Variants in NID1 observed in about 807,000 individuals in gnomAD.
The protein encoded by NID1 is nidogen-1.
Under a neutral mutation model 130.6 loss-of-function variants are expected in NID1, and 76 were observed. The ratio of observed to expected loss-of-function variants is 0.58; its 90% CI spans 0.48 to 0.70. The LOEUF is 0.70. Ranked by LOEUF, NID1 falls within the 30% of genes least tolerant of loss-of-function variation. The pLI is 0.00. For missense variants in NID1, 1,517 were observed against 1,664.8 expected (o/e 0.91, Z 1.54); for synonymous variants, 665 against 675.1 (o/e 0.98, Z 0.23).
In NID1 at chr1:236,012,057, A is replaced by G. The variant is rs766154221; in HGVS notation, c.2405-14T>C. The G allele has an allele frequency of 8.7e-6, 14 of 1,608,902 alleles. No individual in the cohort carries two copies. In the East Asian group the frequency reaches 2.9e-4, roughly 33 times the overall value. ...ATTCATCTACATCTGTAAAACAGCC[A>G]CCAGGCCCAGGGACAATGAGATTTC... On this transcript the variant is annotated splice_polypyrimidine_tract_variant and intron_variant, in intron 11 of 19. Coordinates refer to ENST00000264187, the MANE Select transcript of NID1 (RefSeq NM_002508.3).
At chr1:236,011,778 A>G (rs1458920151) in intron 12 of NID1, 143 bp downstream of exon 12, 1 of 1,271,686 alleles carries the variant, frequency 7.9e-7, no homozygotes, top group Admixed American at 2.0e-5. Flanking sequence ...ATTCATGGAC[A>G]GGGCAACGGG....
Position 235,985,390 on chromosome 1 carries a change from A to T in NID1, c.3044T>A (p.Ile1015Asn). Reference sequence around the variant, plus strand: ...ATTTGCTTACTTACCTTGTCTAATGATGGTGGTTGGCTCTCCACCATGTAG... The same window carrying T: ...ATTTGCTTACTTACCTTGTCTAATGTTGGTGGTTGGCTCTCCACCATGTAG... ...ASLHGGEPTT[I>N]IRQDLGSPEG... The change falls in exon 15 of 20, where the codon ATC (isoleucine) becomes AAC (asparagine). Residue 1015 changes from isoleucine to asparagine, a missense_variant. Ile to Asn is a moderately radical substitution (Grantham distance 149). Around this residue, in one of 3 missense-constraint regions of NID1, gnomAD observed 1,329 missense variants for 1,429.2 expected, o/e 0.93. Coordinates refer to ENST00000264187, the MANE Select transcript of NID1 (RefSeq NM_002508.3). 1 of 1,614,102 alleles carries T rather than the reference A, an allele frequency of 6.2e-7. No individual in the cohort carries two copies. The highest frequency in any genetic ancestry group is 2.2e-5 in the East Asian group (1 of 44,872).
chr1:236,036,623 T>C (rs1403991254), intron 5 of NID1, among the ~76,000 whole-genome samples: 2 of 152,214 alleles, frequency 1.3e-5, no homozygotes, highest in African/African-American at 4.8e-5. Flanking sequence ...CCCAATGTGA[T>C]AGCATTTAGA....
In NID1 at chr1:235,990,988, A is replaced by C. The variant is rs1319213557; in HGVS notation, c.2826T>G (p.Pro942=). The C allele has an allele frequency of 1.2e-6, 2 of 1,613,940 alleles. No individual in the cohort carries two copies. The highest frequency in any genetic ancestry group is 8.5e-7 in the Non-Finnish European group (1 of 1,179,934). Residue 942 remains proline (P), a synonymous_variant, in exon 14 of 20, where the codon CCT becomes CCG. Coordinates refer to ENST00000264187, the MANE Select transcript of NID1 (RefSeq NM_002508.3). ...TCTGGGCAAAGAGTAAATGGGTCCC[A>C]GGAGGCAAGGGGATCACGGCGGTAG... is the stretch of plus-strand genomic sequence containing the variant. ...AVPTAVIPLP[P]GTHLLFAQTG... is the part of the protein sequence containing the mutation.
At chr1:236,045,333 A>G in intron 3 of NID1, 124 bp downstream of exon 3, 1 of 658,580 alleles carries the variant, frequency 1.5e-6, no homozygotes. Flanking sequence ...CTCATAATAT[A>G]AAAACTATAT....
At chr1:236,053,841 G>A (rs1334527269) in intron 1 of NID1, among the ~76,000 whole-genome samples, 1 of 152,234 alleles carries the variant, frequency 6.6e-6, no homozygotes, top group Non-Finnish European at 1.5e-5. Context: ...AATAAGGCCT[G>A]AGGGTGAGCT....
intron 4 of NID1, among the ~76,000 whole-genome samples, chr1:236,039,891 T>G (rs556222378): frequency 8.5e-5 from 13 of 152,284 alleles, no homozygotes; most frequent in Admixed American, 5.9e-4. Context: ...TTATGGCCTG[T>G]GTACATGTGA....
chr1:236,040,677 T>C (rs1659425723), intron 4 of NID1, among the ~76,000 whole-genome samples: 1 of 151,956 alleles, frequency 6.6e-6, no homozygotes, highest in African/African-American at 2.4e-5. Flanking sequence ...TTTTTTTTTT[T>C]CTTGAGACAG....
intron 4 of NID1, among the ~76,000 whole-genome samples, chr1:236,039,759 G>A (rs954346814): frequency 6.6e-6 from 1 of 152,160 alleles, no homozygotes; most frequent in African/African-American, 2.4e-5. Flanking sequence ...CTACATACTC[G>A]GAAGGGAATT....
At chr1:236,055,228 C>T (rs779489902) in intron 1 of NID1, among the ~76,000 whole-genome samples, 7 of 151,770 alleles carry the variant, frequency 4.6e-5, no homozygotes, top group Non-Finnish European at 8.8e-5. Flanking sequence ...GGCGGGAACC[C>T]GGGAGGTGGA....
In NID1 at chr1:235,993,762, C is replaced by T. The variant is rs1657834850; in HGVS notation, c.2638G>A (p.Ala880Thr). ...TGGGTGGGCGCGTAGTGCCCGTGCG[C>T]ATCGCACTCAGGAACGAACAGCCCC... ...PPGLFVPECD[A>T]HGHYAPTQCH... The change falls in exon 13 of 20, where the codon GCG becomes ACG. Residue 880 changes from alanine to threonine, a missense_variant. Transcript: ENST00000264187. The T allele has an allele frequency of 6.2e-7, 1 of 1,613,920 alleles. No individual in the cohort carries two copies. The highest frequency in any genetic ancestry group is 8.5e-7 in the Non-Finnish European group (1 of 1,180,000).
rs1657372080 is a variant in NID1, at chr1:235,979,613, T to A, written c.3509+209A>T. 6.6e-6 allele frequency among the ~76,000 whole-genome samples: 1 copy of A among 152,148 alleles called. No individual in the cohort carries two copies. Among genetic ancestry groups the A allele is most frequent in the Non-Finnish European group, 1.5e-5 (1 of 68,014 alleles). The stretch of plus-strand genomic sequence containing the variant: ...TCTGGATGATAAATGGCACCTCCTG[T>A]CCCCTAGGGCCTTGTCCTCCCTCCT... On this transcript the variant is annotated intron_variant, in intron 18 of 19. Coordinates refer to ENST00000264187, the MANE Select transcript of NID1 (RefSeq NM_002508.3). This position sits in a 1 kb window ranked among gnomAD's most constrained non-coding sequence, Gnocchi z 4.6.
Position 236,017,051 on chromosome 1 carries a change from C to T in NID1, c.2254+97G>A, listed in dbSNP as rs191113464. On this transcript the variant is annotated intron_variant, in intron 10 of 19. Coordinates refer to ENST00000264187, the MANE Select transcript of NID1 (RefSeq NM_002508.3). ...AATTGCTCTTCCCAGCACCTTCCAACTTGACCAGACTCATTTTACCTGGGA... is the reference window on the plus strand; with the variant it reads ...AATTGCTCTTCCCAGCACCTTCCAATTTGACCAGACTCATTTTACCTGGGA... The T allele has an allele frequency of 8.9e-5, 138 of 1,544,316 alleles. No individual in the cohort carries two copies. The East Asian group carries it at 2.7e-3, about 30-fold the overall frequency.
chr1:236,022,062 G>A (rs947105447), intron 9 of NID1, among the ~76,000 whole-genome samples: 2 of 152,048 alleles, frequency 1.3e-5, no homozygotes, highest in African/African-American at 2.4e-5. Context: ...TTGAGCCCAG[G>A]AGTTTGAGAC....
intron 7 of NID1, among the ~76,000 whole-genome samples, chr1:236,028,477 C>T (rs192670489): frequency 6.6e-6 from 1 of 152,250 alleles, no homozygotes; most frequent in Non-Finnish European, 1.5e-5. Context: ...CACTGCACTC[C>T]AGCTTGGGCG....
intron 14 of NID1, among the ~76,000 whole-genome samples, chr1:235,985,726 G>T (rs1195268105): frequency 2.2e-5 from 3 of 133,718 alleles, no homozygotes; most frequent in Non-Finnish European, 4.7e-5. Context: ...ATAGGAATTT[G>T]TGTGTGTGTG....
chr1:236,041,778 C>A, intron 4 of NID1, 132 bp downstream of exon 4: 2 of 1,156,506 alleles, frequency 1.7e-6, no homozygotes, highest in South Asian at 1.6e-5. Context: ...GAGAGTTCAG[C>A]CTCTACTTTC....
intron 5 of NID1, among the ~76,000 whole-genome samples, chr1:236,036,866 A>G (rs1289014937): frequency 6.6e-6 from 1 of 152,226 alleles, no homozygotes; most frequent in Non-Finnish European, 1.5e-5. Context: ...TGGACTTCTC[A>G]GCCTCCATCA....
Position 235,996,150 on chromosome 1 carries a change from T to G in NID1, c.2528-2278A>C, listed in dbSNP as rs190782064. 2.0e-5 allele frequency among the ~76,000 whole-genome samples: 3 copies of G among 151,992 alleles called. No individual in the cohort carries two copies. The East Asian group carries it at 5.8e-4, about 29-fold the overall frequency. On this transcript the variant is annotated intron_variant, in intron 12 of 19. Coordinates refer to ENST00000264187, the MANE Select transcript of NID1 (RefSeq NM_002508.3). ...GCCTGGGTGACAGAGCAAGACCCTG[T>G]CCCCCAAAAAACAAAACGAAAACCC...
Sources: gnomAD v4.1 joint callset for allele counts (sites outside exome capture counted in the v4.1 genomes callset) on GRCh38, gnomAD v4.1.1 for gene constraint, gnomAD v4.1.1 regional missense constraint, Gnocchi (gnomAD v3.1) non-coding constraint, MANE v1.5 for transcripts, NCBI Gene and HGNC (gene_info 2026-07-23, HGNC 2026-07-21) for gene names.